Variants in EYS observed in about 807,000 individuals in gnomAD.
EYS encodes the protein protein eyes shut homolog.
In EYS, 250 loss-of-function variants were observed where a neutral mutation model predicts 282.1. The ratio of observed to expected loss-of-function variants is 0.89; its 90% CI spans 0.80 to 0.98. The LOEUF is 0.98. EYS is among the 50% of genes least tolerant of loss of function. The pLI is 0.00. For missense variants in EYS, 4,016 were observed against 3,709.0 expected (o/e 1.08, Z -2.15); for synonymous variants, 1,355 against 1,282.9 (o/e 1.06, Z -1.20).
intron 29 of EYS, among the ~76,000 whole-genome samples, chr6:64,313,045 A>G (rs1416258529): frequency 6.6e-6 from 1 of 152,252 alleles, no homozygotes; most frequent in Non-Finnish European, 1.5e-5. Context: ...ATGAATTGGA[A>G]GAAGTAGGCT....
chr6:65,553,374 T>C (rs536734708), intron 2 of EYS, among the ~76,000 whole-genome samples: 2 of 152,196 alleles, frequency 1.3e-5, no homozygotes, highest in Admixed American at 1.3e-4. Flanking sequence ...AAAAGGAAAA[T>C]GTAAAACTGT....
chr6:63,970,208 A>G (rs997197279), intron 35 of EYS, among the ~76,000 whole-genome samples: 2 of 152,214 alleles, frequency 1.3e-5, no homozygotes, highest in Non-Finnish European at 2.9e-5. Context: ...AAAATTGAAG[A>G]TATTATGTTA....
chr6:64,822,891 A>G (rs1428748995), intron 19 of EYS, 69 bp from the exon 20 acceptor site: 5 of 1,295,636 alleles, frequency 3.9e-6, no homozygotes, highest in Non-Finnish European at 5.3e-6. Flanking sequence ...TTTGTTCATT[A>G]TGGTAAACAT....
At chr6:64,567,317 ACTCT>A (rs1380454587) in intron 26 of EYS, among the ~76,000 whole-genome samples, 7 of 152,114 alleles carry the variant, frequency 4.6e-5, no homozygotes, top group African/African-American at 1.4e-4. Flanking sequence ...TTAAACTGAC[ACTCT>A]CTAAGTGTAA....
chr6:63,878,888 G>A (rs1221214571), intron 35 of EYS, among the ~76,000 whole-genome samples: 1 of 152,116 alleles, frequency 6.6e-6, no homozygotes, highest in Non-Finnish European at 1.5e-5. Flanking sequence ...GGCCTCCCTT[G>A]GCTAGGAAAG....
intron 33 of EYS, among the ~76,000 whole-genome samples, chr6:64,010,397 G>GT (rs953330011): frequency 2.6e-5 from 4 of 151,288 alleles, no homozygotes; most frequent in South Asian, 4.2e-4. Flanking sequence ...TTTGGTTGGG[G>GT]GGGGGGGTGG....
chr6:65,662,981 G>A (rs1255487209), intron 1 of EYS, among the ~76,000 whole-genome samples: 1 of 152,090 alleles, frequency 6.6e-6, no homozygotes, highest in African/African-American at 2.4e-5. Context: ...CAGGCTAAGC[G>A]TATGTTAGGG....
intron 19 of EYS, among the ~76,000 whole-genome samples, chr6:64,858,114 T>A (rs924892509): frequency 1.3e-5 from 2 of 152,176 alleles, no homozygotes; most frequent in Non-Finnish European, 2.9e-5. Flanking sequence ...CTATCTCATT[T>A]GTTTATATTT....
At chr6:64,970,685 T>A (rs971570503) in intron 14 of EYS, among the ~76,000 whole-genome samples, 2 of 152,122 alleles carry the variant, frequency 1.3e-5, no homozygotes, top group African/African-American at 4.8e-5. Context: ...TTTAGTACAA[T>A]ACGTAAACCT....
intron 29 of EYS, among the ~76,000 whole-genome samples, chr6:64,380,096 G>T (rs1035770381): frequency 2.3e-5 from 3 of 132,906 alleles, no homozygotes; most frequent in Admixed American, 1.6e-4. Flanking sequence ...AGCAATATTT[G>T]CTGATTTGCA....
At chr6:65,194,802 C>T (rs889361315) in intron 12 of EYS, among the ~76,000 whole-genome samples, 2 of 150,966 alleles carry the variant, frequency 1.3e-5, no homozygotes, top group Non-Finnish European at 1.5e-5. Flanking sequence ...AAAATAGTTT[C>T]GGTTGTTGTT....
chr6:64,415,459 T>C (rs1774029382), intron 28 of EYS, among the ~76,000 whole-genome samples: 2 of 152,198 alleles, frequency 1.3e-5, no homozygotes, highest in Non-Finnish European at 2.9e-5. Context: ...TGAGACTAAA[T>C]GTCATCATGG....
chr6:64,676,322 A>C (rs147497714), intron 22 of EYS, among the ~76,000 whole-genome samples: 287 of 146,176 alleles, frequency 2.0e-3, no homozygotes, highest in African/African-American at 6.2e-3. Flanking sequence ...ATATCTATAT[A>C]TATATATCTA....
intron 33 of EYS, among the ~76,000 whole-genome samples, chr6:64,062,340 C>T (rs944911279): frequency 2.0e-5 from 3 of 152,154 alleles, no homozygotes; most frequent in Non-Finnish European, 4.4e-5. Context: ...TTTCCCTGCC[C>T]TCTGGCAGGA....
intron 2 of EYS, among the ~76,000 whole-genome samples, chr6:65,614,438 A>G (rs764403250): frequency 9.2e-5 from 14 of 151,690 alleles, no homozygotes; most frequent in South Asian, 2.1e-4. Context: ...ACCTAGCAAT[A>G]TCTATGCCTG....
chr6:63,882,406 C>T (rs903291863), intron 35 of EYS, among the ~76,000 whole-genome samples: 4 of 152,184 alleles, frequency 2.6e-5, no homozygotes, highest in Non-Finnish European at 4.4e-5. Context: ...GTTCCATAAG[C>T]CTCCATGAGG....
intron 39 of EYS, among the ~76,000 whole-genome samples, chr6:63,783,759 C>T (rs1033213055): frequency 3.9e-5 from 6 of 152,020 alleles, no homozygotes; most frequent in African/African-American, 9.7e-5. Flanking sequence ...GATTTAAGCA[C>T]GGGCCCTGAG....
rs567525390 is a variant in EYS, at chr6:64,602,568, C to G, written c.3685-9259G>C. Among the ~76,000 whole-genome samples the G allele has an allele frequency of 1.3e-3, 192 of 152,170 alleles. 1 individual carries two copies. Among genetic ancestry groups the G allele is most frequent in the African/African-American group, 4.5e-3 (185 of 41,552 alleles). On this transcript the variant is annotated intron_variant, in intron 24 of 42. Coordinates refer to ENST00000503581, the MANE Select transcript of EYS (RefSeq NM_001142800.2). Reference sequence around the variant, plus strand: ...CTATTACACTCTTTCTCTTTGTCCTCTACACTTAAGAAACATTTTCCCCTT... The same window carrying G: ...CTATTACACTCTTTCTCTTTGTCCTGTACACTTAAGAAACATTTTCCCCTT...
intron 23 of EYS, among the ~76,000 whole-genome samples, chr6:64,624,868 C>G (rs1214054377): frequency 6.6e-6 from 1 of 152,024 alleles, no homozygotes; most frequent in African/African-American, 2.4e-5. Flanking sequence ...TAAATAGGGA[C>G]TATTTTTTTT....
Sources: gnomAD v4.1 joint callset for allele counts (sites outside exome capture counted in the v4.1 genomes callset) on GRCh38, gnomAD v4.1.1 for gene constraint, MANE v1.5 for transcripts, NCBI Gene and HGNC (gene_info 2026-07-23, HGNC 2026-07-21) for gene names.